KDM4C: variants seen among roughly 807,000 people sequenced by gnomAD.
KDM4C encodes the protein lysine-specific demethylase 4C.
Under a neutral mutation model 129.3 loss-of-function variants are expected in KDM4C, and 81 were observed. The ratio of observed to expected loss-of-function variants is 0.63; its 90% confidence interval spans 0.52 to 0.75. The LOEUF (loss-of-function observed/expected upper bound fraction) is 0.75. Ranked by LOEUF, KDM4C falls within the 30% of genes least tolerant of loss-of-function variation. The pLI, the probability that KDM4C is intolerant of heterozygous loss-of-function variation, is 0.00. For synonymous variants in KDM4C, 573 were observed against 456.1 expected, an observed-to-expected ratio of 1.26 and a Z score of -3.26; for missense variants, 1,457 against 1,304.0, an observed-to-expected ratio of 1.12 and a Z score of -1.81.
intron 17 of KDM4C, among the ~76,000 whole-genome samples, chr9:7,060,154 T>C (rs1177162610): frequency 6.6e-6 from 1 of 151,882 alleles, no homozygotes; most frequent in East Asian, 1.9e-4. Flanking sequence ...AGTTCTGTCC[T>C]CCACCATTTT....
chr9:6,749,730 T>G (rs2130299883), intron 1 of KDM4C, among the ~76,000 whole-genome samples: 1 of 152,078 alleles, frequency 6.6e-6, no homozygotes, highest in Non-Finnish European at 1.5e-5. Flanking sequence ...CTCATGCCTG[T>G]AATCCCAGCA....
At chr9:7,076,568 A>T in intron 17 of KDM4C, 4 of 1,516,020 alleles carry the variant, frequency 2.6e-6, no homozygotes, top group Non-Finnish European at 2.6e-6. Context: ...CTCATTCTCC[A>T]TGGGAGCAGC....
At chr9:7,110,638 G>A (rs951122990) in intron 18 of KDM4C, among the ~76,000 whole-genome samples, 1 of 152,104 alleles carries the variant, frequency 6.6e-6, no homozygotes, top group South Asian at 2.1e-4. Flanking sequence ...CTTCCACAGG[G>A]GGCCTCTGCT....
intron 5 of KDM4C, among the ~76,000 whole-genome samples, chr9:6,860,242 C>G (rs1840678626): frequency 6.6e-6 from 1 of 152,120 alleles, no homozygotes; most frequent in African/African-American, 2.4e-5. Context: ...TCTGAACCAA[C>G]ACCGTTTGTT....
Position 6,826,348 on chromosome 9 carries a change from T to C in KDM4C, c.435+11603T>C, listed in dbSNP as rs111466912. On this transcript the variant is annotated intron_variant, in intron 4 of 21. Coordinates refer to ENST00000381309, the MANE Select transcript of KDM4C (RefSeq NM_015061.6). ...TACATATGAAAAATATGGGAAGGTATTACATAGAGAAAATGAAAATCATTC... is the reference window on the plus strand; with the variant it reads ...TACATATGAAAAATATGGGAAGGTACTACATAGAGAAAATGAAAATCATTC... Among the ~76,000 whole-genome samples, 635 of 152,186 alleles carry C rather than the reference T, an allele frequency of 4.2e-3. 6 individuals are homozygous for C. Among genetic ancestry groups the C allele is most frequent in the African/African-American group, 0.013 (558 of 41,516 alleles).
At chr9:6,896,536 C>A (rs538194562) in intron 8 of KDM4C, among the ~76,000 whole-genome samples, 1 of 150,636 alleles carries the variant, frequency 6.6e-6, no homozygotes, top group Non-Finnish European at 1.5e-5. Context: ...AATTAGGTGA[C>A]TCAGAAAAGA....
intron 8 of KDM4C, among the ~76,000 whole-genome samples, chr9:6,960,610 G>A (rs1218129849): frequency 1.3e-5 from 2 of 152,180 alleles, no homozygotes; most frequent in African/African-American, 2.4e-5. Context: ...AAAAAAGGAA[G>A]TTCTTTAAAG....
chr9:6,814,405 A>C (rs571388440), intron 3 of KDM4C, among the ~76,000 whole-genome samples: 51 of 152,194 alleles, frequency 3.4e-4, no homozygotes, highest in Non-Finnish European at 6.2e-4. Context: ...TTTTCGTGAA[A>C]GTAGTTTTCT....
At chr9:6,772,967 AT>A in intron 1 of KDM4C, among the ~76,000 whole-genome samples, 1 of 151,894 alleles carries the variant, frequency 6.6e-6, no homozygotes, top group East Asian at 1.9e-4. Context: ...AAGTGCTAGG[AT>A]TACAGGTGTG....
At chr9:7,169,025 A>G (rs1383840351) in intron 20 of KDM4C, among the ~76,000 whole-genome samples, 2 of 150,696 alleles carry the variant, frequency 1.3e-5, no homozygotes, top group African/African-American at 4.9e-5. Flanking sequence ...AGCCTGAGCA[A>G]CAGGGCAAGG....
Position 7,025,003 on chromosome 9 carries a change from G to A in KDM4C, c.2259+9074G>A, listed in dbSNP as rs1004630323. Among the ~76,000 whole-genome samples the A allele has an allele frequency of 5.9e-5, 9 of 152,086 alleles. No individual in the cohort carries two copies. The South Asian group carries it at 6.2e-4, about 11-fold the overall frequency. The stretch of plus-strand genomic sequence containing the variant: ...CATCCTCTCCAGCACCTGTTGTTTC[G>A]TGACTTTTAATGTTTTCTTCATATA... On this transcript the variant is annotated intron_variant, in intron 15 of 21. Transcript: ENST00000381309.
At chr9:6,964,248 C>A (rs1830517750) in intron 8 of KDM4C, among the ~76,000 whole-genome samples, 1 of 144,492 alleles carries the variant, frequency 6.9e-6, no homozygotes. Context: ...CCTCCCCTGA[C>A]CCCCCAACAG....
chr9:7,013,441 T>G (rs1187102792), intron 13 of KDM4C, among the ~76,000 whole-genome samples: 1 of 152,192 alleles, frequency 6.6e-6, no homozygotes, highest in Non-Finnish European at 1.5e-5. Context: ...CAAGGTATGA[T>G]TCTTCAGTAA....
chr9:7,087,800 T>C (rs1212416038), intron 17 of KDM4C, among the ~76,000 whole-genome samples: 1 of 152,246 alleles, frequency 6.6e-6, no homozygotes, highest in Non-Finnish European at 1.5e-5. Context: ...TATTTCTAAA[T>C]GTCAATATTT....
chr9:6,849,238 TTC>T (rs2130101333), intron 4 of KDM4C, among the ~76,000 whole-genome samples: 1 of 152,314 alleles, frequency 6.6e-6, no homozygotes, highest in East Asian at 1.9e-4. Context: ...GTCTGTAACT[TTC>T]ATTTCCATTT....
chr9:6,854,271 G>T (rs1839360091), intron 5 of KDM4C, among the ~76,000 whole-genome samples: 1 of 152,068 alleles, frequency 6.6e-6, no homozygotes. Context: ...GCTCACGCCT[G>T]TAATCCCAGC....
intron 15 of KDM4C, among the ~76,000 whole-genome samples, chr9:7,018,495 T>TA (rs143381956): frequency 0.16 from 23,712 of 152,294 alleles, 2,509 homozygotes; most frequent in South Asian, 0.4. Context: ...ATTCCTAGTA[T>TA]ATGAGCCAAC....
intron 8 of KDM4C, among the ~76,000 whole-genome samples, chr9:6,945,028 A>G (rs1175938184): frequency 2.0e-5 from 3 of 152,164 alleles, no homozygotes; most frequent in Non-Finnish European, 4.4e-5. Flanking sequence ...GTCTTGCTCT[A>G]CATTGTGATC....
intron 3 of KDM4C, among the ~76,000 whole-genome samples, chr9:6,807,680 G>C (rs1378634901): frequency 6.8e-6 from 1 of 147,592 alleles, no homozygotes; most frequent in African/African-American, 2.5e-5. Context: ...GAGCCCATCC[G>C]CCCGGCAGCT....
Sources: allele counts gnomAD v4.1 joint callset (sites outside exome capture counted in the v4.1 genomes callset), GRCh38; gene constraint gnomAD v4.1.1; transcripts MANE v1.5; gene names NCBI Gene and HGNC (gene_info 2026-07-23, HGNC 2026-07-21).